Variants in APOB observed in about 807,000 individuals in gnomAD.
APOB encodes the protein apolipoprotein B.
Under a neutral mutation model 314.1 loss-of-function variants are expected in APOB, and 153 were observed. That is an observed-to-expected ratio of 0.49 (90% confidence interval 0.43 to 0.56). The LOEUF (loss-of-function observed/expected upper bound fraction) is 0.56, where lower values mean the gene tolerates loss of function less well. APOB is among the 20% of genes least tolerant of loss of function. APOB has a pLI of 0.00. For synonymous variants in APOB, 2,087 were observed against 2,036.4 expected (o/e 1.02, Z -0.67); for missense variants, 5,430 against 5,350.7 (o/e 1.01, Z -0.46).
chr2:21,023,638 A>G lies in APOB; in HGVS notation c.2491T>C (p.Phe831Leu). 1.2e-6 allele frequency: 2 copies of G among 1,613,826 alleles called. No homozygotes were observed. Among genetic ancestry groups the G allele is most frequent in the Non-Finnish European group, 1.7e-6 (2 of 1,179,690 alleles). ...SKNDFFLHYI[F>L]MENAFELPTG... ...GGGAGTTCAAAGGCATTCTCCATGAAGATGTAGTGAAGAAAAAAGTCATTC... is the reference window on the plus strand; with the variant it reads ...GGGAGTTCAAAGGCATTCTCCATGAGGATGTAGTGAAGAAAAAAGTCATTC... Residue 831 changes from phenylalanine (F) to leucine (L), a missense_variant, in exon 17 of 29, where the codon TTC becomes CTC. Physicochemically the swap from Phe to Leu is conservative, Grantham distance 22. Transcript: ENST00000233242.
In APOB at chr2:21,007,915, T is replaced by C. The variant is rs1179639939; in HGVS notation, c.8953A>G (p.Lys2985Glu). Residue 2985 changes from lysine (K) to glutamate (E), a missense_variant, in exon 26 of 29, where the codon AAA becomes GAA. Lys to Glu is a moderately conservative substitution (Grantham distance 56, BLOSUM62 1). Coordinates refer to ENST00000233242, the MANE Select transcript of APOB (RefSeq NM_000384.3). Reference protein sequence around the residue: ...VYESGSLNFSKLEIQSQVDSQ... With the variant: ...VYESGSLNFSELEIQSQVDSQ... Reference sequence around the variant, plus strand: ...TCGACTTGTGATTGAATTTCAAGTTTAGAAAAGTTGAGGGAGCCAGATTCA... The same window carrying C: ...TCGACTTGTGATTGAATTTCAAGTTCAGAAAAGTTGAGGGAGCCAGATTCA... 3.7e-6 allele frequency: 6 copies of C among 1,614,092 alleles called. No individual in the cohort carries two copies. The highest frequency in any genetic ancestry group is 5.1e-6 in the Non-Finnish European group (6 of 1,179,972).
At chr2:21,041,677 G>A (rs893617003) in intron 3 of APOB, among the ~76,000 whole-genome samples, 6 of 152,222 alleles carry the variant, frequency 3.9e-5, no homozygotes, top group East Asian at 3.8e-4. Context: ...TTGAAATGCA[G>A]CTAATGTGAC....
Position 21,003,219 on chromosome 2 carries a change from G to A in APOB, c.12203C>T (p.Thr4068Ile), listed in dbSNP as rs754708520. Reference sequence around the variant, plus strand: ...CTTGGGCACGTTGTCTTTCAGAGAGGTTAGCAAGCCAGAAGCTGCCTCTTC... The same window carrying A: ...CTTGGGCACGTTGTCTTTCAGAGAGATTAGCAAGCCAGAAGCTGCCTCTTC... ...WEEEAASGLL[T>I]SLKDNVPKAT... Residue 4068 changes from threonine to isoleucine, a missense_variant, in exon 29 of 29, where the codon ACC (threonine) becomes ATC (isoleucine). Thr to Ile is a moderately conservative substitution (Grantham distance 89, BLOSUM62 -1). This residue lies in a region of APOB where 3,281 missense variants were observed against 3,171.0 expected (regional missense o/e 1.03). Coordinates refer to ENST00000233242, the MANE Select transcript of APOB (RefSeq NM_000384.3). The A allele has an allele frequency of 5.6e-6, 9 of 1,613,896 alleles. No homozygotes were observed. Among genetic ancestry groups the A allele is most frequent in the Non-Finnish European group, 7.6e-6 (9 of 1,179,950 alleles).
intron 5 of APOB, 47 bp from the exon 6 acceptor site, chr2:21,037,302 T>A (rs750138785): frequency 1.3e-6 from 2 of 1,575,322 alleles, no homozygotes; most frequent in Admixed American, 3.4e-5. Context: ...ACGGGCAACA[T>A]CCTTGGGTAC....
Position 21,002,138 on chromosome 2 carries a change from A to G in APOB, c.13284T>C (p.Ser4428=). The stretch of plus-strand genomic sequence containing the variant: ...AGAGTTGGGAAGTAAAGTTAGAGGC[A>G]CTGACAATATATTCAGAATGGAAGT... ...LKDFHSEYIV[S]ASNFTSQLSS... The change falls in exon 29 of 29, where the codon AGT becomes AGC. Residue 4428 remains serine, a synonymous_variant. Coordinates refer to ENST00000233242, the MANE Select transcript of APOB (RefSeq NM_000384.3). 2 of 1,614,016 alleles carry G rather than the reference A, an allele frequency of 1.2e-6. No homozygotes were observed. The highest frequency in any genetic ancestry group is 1.7e-6 in the Non-Finnish European group (2 of 1,179,984).
At position 21,008,507 on chromosome 2, in the gene APOB, T is replaced by C. The variant is rs550012858; in HGVS notation, c.8361A>G (p.Ala2787=). The change falls in exon 26 of 29, where the codon GCA becomes GCG. Residue 2787 remains alanine, a synonymous_variant. Coordinates refer to ENST00000233242, the MANE Select transcript of APOB (RefSeq NM_000384.3). ...IGNGTTSANE[A]GIAASITAKG... ...TGGCAGTGATGGAAGCTGCGATACC[T>C]GCTTCGTTTGCTGAGGTGGTTCCAT... The C allele has an allele frequency of 3.7e-6, 6 of 1,614,116 alleles. No homozygotes were observed. In the South Asian group the frequency reaches 6.6e-5, roughly 18 times the overall value.
chr2:21,033,649 C>T (rs555923155), intron 8 of APOB, 131 bp from the exon 9 acceptor site: 2 of 779,126 alleles, frequency 2.6e-6, no homozygotes, highest in Admixed American at 1.9e-5. Context: ...TATTCAATGC[C>T]TGCTAGATCT....
intron 4 of APOB, among the ~76,000 whole-genome samples, chr2:21,038,338 T>A (rs1664055572): frequency 6.6e-6 from 1 of 152,168 alleles, no homozygotes. Context: ...TTTTTTCTTT[T>A]TTCTTTTTCT....
intron 15 of APOB, among the ~76,000 whole-genome samples, chr2:21,026,090 T>A (rs1572794678): frequency 1.3e-5 from 2 of 152,230 alleles, no homozygotes; most frequent in East Asian, 3.8e-4. Context: ...GCATTTTAGA[T>A]GCCTTATTTC....
At position 21,033,365 on chromosome 2, in the gene APOB, G is replaced by C; in HGVS notation, c.1058C>G (p.Thr353Ser). The C allele has an allele frequency of 6.2e-7, 1 of 1,614,192 alleles. No individual in the cohort carries two copies. The highest frequency in any genetic ancestry group is 8.5e-7 in the Non-Finnish European group (1 of 1,180,036). Residue 353 changes from threonine to serine, a missense_variant, in exon 9 of 29, where the codon ACT becomes AGT. Coordinates refer to ENST00000233242, the MANE Select transcript of APOB (RefSeq NM_000384.3). Reference protein sequence around the residue: ...QRANLFNKLVTELRGLSDEAV... With the variant: ...QRANLFNKLVSELRGLSDEAV... ...TTCATCACTGAGGCCTCTCAGCTCA[G>C]TAACCAGCTTATTGAAGAGATTAGC...
At position 21,009,494 on chromosome 2, in the gene APOB, T is replaced by A. The variant is rs766371877; in HGVS notation, c.7374A>T (p.Glu2458Asp). Residue 2458 changes from glutamate (E) to aspartate (D), a missense_variant, in exon 26 of 29, where the codon GAA (glutamate) becomes GAT (aspartate). Transcript: ENST00000233242. ...TTAATGCTTCAGCTTTTTGTGGTAGTTCCAGAGCCTGAATTTCACCATTGA... is the reference window on the plus strand; with the variant it reads ...TTAATGCTTCAGCTTTTTGTGGTAGATCCAGAGCCTGAATTTCACCATTGA... ...QRLNGEIQALELPQKAEALKL... is the reference protein window; with the variant it reads ...QRLNGEIQALDLPQKAEALKL... The A allele has an allele frequency of 3.1e-6, 5 of 1,614,004 alleles. No homozygotes were observed. The South Asian group carries it at 5.5e-5, about 18-fold the overall frequency.
chr2:21,002,180 C>G lies in APOB; in HGVS notation c.13242G>C (p.Leu4414=). ...AATGGAAGTCCTTAAGAGCAACTAACAGGTTCTTGATCAGACTGACTATCT... is the reference window on the plus strand; with the variant it reads ...AATGGAAGTCCTTAAGAGCAACTAAGAGGTTCTTGATCAGACTGACTATCT... ...EEKIVSLIKN[L]LVALKDFHSE... is the part of the protein sequence containing the mutation. Residue 4414 remains leucine (L), a synonymous_variant, in exon 29 of 29, where the codon CTG becomes CTC. Transcript: ENST00000233242. The G allele has an allele frequency of 6.2e-7, 1 of 1,613,934 alleles. No individual in the cohort carries two copies. Among genetic ancestry groups the G allele is most frequent in the East Asian group, 2.2e-5 (1 of 44,872 alleles).
rs1038411462 is a variant in APOB, at chr2:21,003,202, C to T, written c.12220G>A (p.Val4074Met). ...SGLLTSLKDN[V>M]PKATGVLYDY... is the part of the protein sequence containing the mutation. ...TAAAGGACCCCTGTGGCCTTGGGCA[C>T]GTTGTCTTTCAGAGAGGTTAGCAAG... Residue 4074 changes from valine to methionine, a missense_variant, in exon 29 of 29, where the codon GTG (valine) becomes ATG (methionine). Transcript: ENST00000233242. 2.9e-5 allele frequency: 46 copies of T among 1,613,902 alleles called. No homozygotes were observed. The highest frequency in any genetic ancestry group is 3.6e-5 in the Non-Finnish European group (42 of 1,179,972).
At chr2:21,041,527 C>T (rs1664132474) in intron 3 of APOB, among the ~76,000 whole-genome samples, 1 of 152,162 alleles carries the variant, frequency 6.6e-6, no homozygotes, top group Non-Finnish European at 1.5e-5. Context: ...TCTATTAGGG[C>T]CTATTTAGAG....
chr2:21,015,042 T>G (rs986358398), intron 23 of APOB, 31 bp downstream of exon 23: 1 of 1,597,152 alleles, frequency 6.3e-7, no homozygotes, highest in Admixed American at 1.7e-5. Flanking sequence ...CTTATATCCA[T>G]GTATTTATTG....
chr2:21,016,198 G>A (rs988268277), intron 21 of APOB, among the ~76,000 whole-genome samples: 6 of 152,036 alleles, frequency 3.9e-5, no homozygotes, highest in African/African-American at 1.2e-4. Context: ...TTAAGCAGGA[G>A]AATCACTTGA....
In APOB at chr2:21,010,913, G is replaced by A; in HGVS notation, c.5955C>T (p.Thr1985=). The A allele has an allele frequency of 6.2e-7, 1 of 1,614,036 alleles. No homozygotes were observed. The highest frequency in any genetic ancestry group is 1.1e-5 in the South Asian group (1 of 91,074). The change falls in exon 26 of 29, where the codon ACC becomes ACT. Residue 1985 remains threonine (T), a synonymous_variant. Transcript: ENST00000233242. ...GGCTGTATTCATTGTTGTTAAATTG[G>A]GTCTTGAGTTTCCAGGTGCCTGTCT... is the stretch of plus-strand genomic sequence containing the variant. ...AEQTGTWKLK[T]QFNNNEYSQD... is the part of the protein sequence containing the mutation.
chr2:21,039,884 G>A lies in APOB; in HGVS notation c.383+1054C>T, dbSNP rs12720789. Among the ~76,000 whole-genome samples, 733 of 152,252 alleles carry A rather than the reference G, an allele frequency of 4.8e-3. 7 individuals carry two copies. Among genetic ancestry groups the A allele is most frequent in the African/African-American group, 0.017 (687 of 41,550 alleles). On this transcript the variant is annotated intron_variant, in intron 4 of 28. Transcript: ENST00000233242. ...AGAAAGAAGCCTCACAGCCTATTTT[G>A]GCAAGAAAGGACTGGCATCTGAATC...
In APOB at chr2:21,001,821, T is replaced by C. The variant is rs886055571; in HGVS notation, c.13601A>G (p.Tyr4534Cys). The C allele has an allele frequency of 1.2e-6, 2 of 1,614,088 alleles. No homozygotes were observed. The highest frequency in any genetic ancestry group is 3.3e-5 in the Admixed American group (2 of 60,022). The change falls in exon 29 of 29, where the codon TAC becomes TGC. Residue 4534 changes from tyrosine to cysteine, a missense_variant. This residue lies in a region of APOB where 3,281 missense variants were observed against 3,171.0 expected (regional missense o/e 1.03). Coordinates refer to ENST00000233242, the MANE Select transcript of APOB (RefSeq NM_000384.3). ...CAGCTTTTTCAGTAACTCCGTGATG[T>C]ATATCAGAAATGTGTGGTAGTTTTG... Reference protein sequence around the residue: ...SIQNYHTFLIYITELLKKLQS... With the variant: ...SIQNYHTFLICITELLKKLQS...
Sources: gnomAD v4.1 joint callset for allele counts (sites outside exome capture counted in the v4.1 genomes callset) on GRCh38, gnomAD v4.1.1 for gene constraint, gnomAD v4.1.1 regional missense constraint, MANE v1.5 for transcripts, NCBI Gene and HGNC (gene_info 2026-07-23, HGNC 2026-07-21) for gene names.